The following FZR1 variants were observed in gnomAD, a reference collection of about 807,000 sequenced individuals.
FZR1 encodes fizzy and cell division cycle 20 related 1, also known as fizzy-related protein homolog.
A neutral mutation model predicts 63.6 loss-of-function variants in FZR1; 11 were observed. The ratio of observed to expected loss-of-function variants is 0.17; its 90% CI spans 0.11 to 0.29. FZR1 has a LOEUF of 0.29. Among genes scored for constraint, FZR1 ranks in the 10% least tolerant of loss-of-function variants. FZR1 has a pLI of 1.00. For missense variants in FZR1, 440 were observed against 687.5 expected (o/e 0.64, Z 4.03); for synonymous variants, 328 against 297.9 (o/e 1.10, Z -1.04).
At position 3,525,567 on chromosome 19, in the gene FZR1, C is replaced by G. The variant is rs113122210; in HGVS notation, c.70-301C>G. Among the ~76,000 whole-genome samples the G allele has an allele frequency of 6.6e-6, 1 of 151,682 alleles. No individual in the cohort carries two copies. Among genetic ancestry groups the G allele is most frequent in the East Asian group, 1.9e-4 (1 of 5,156 alleles). On this transcript the variant is annotated intron_variant, in intron 2 of 13. Coordinates refer to ENST00000441788, the MANE Select transcript of FZR1 (RefSeq NM_016263.4). This position sits in a 1 kb window ranked among gnomAD's most constrained non-coding sequence, Gnocchi z 4.2. ...ATGCCATTCTCCTGCCTCAGCCTCC[C>G]GAGTAGCTGGGACTACAGGCGCCTG...
At chr19:3,511,589 G>C (rs141227368) in intron 1 of FZR1, among the ~76,000 whole-genome samples, 5 of 152,324 alleles carry the variant, frequency 3.3e-5, no homozygotes, top group African/African-American at 1.2e-4. Context: ...ACACCCAGTG[G>C]GGGCAGCAGC....
chr19:3,532,749 G>A, intron 11 of FZR1, 99 bp downstream of exon 11: 1 of 836,536 alleles, frequency 1.2e-6, no homozygotes, highest in Non-Finnish European at 2.0e-6. Flanking sequence ...AGATGGGTCA[G>A]AGTCGCTCTG....
chr19:3,521,373 C>T (rs2083099840), intron 1 of FZR1: 1 of 152,122 alleles, frequency 6.6e-6, no homozygotes, highest in African/African-American at 2.4e-5. Flanking sequence ...TCACCAGGGA[C>T]TGGGGAGAGG....
intron 2 of FZR1, among the ~76,000 whole-genome samples, chr19:3,523,698 C>T (rs2083124593): frequency 6.6e-6 from 1 of 152,248 alleles, no homozygotes; most frequent in South Asian, 2.1e-4. Context: ...CCATCATTCT[C>T]GAAGACGAAG....
intron 1 of FZR1, among the ~76,000 whole-genome samples, chr19:3,510,705 C>G (rs2083018172): frequency 6.6e-6 from 1 of 152,162 alleles, no homozygotes; most frequent in Admixed American, 6.5e-5. Context: ...GAGAGCAACT[C>G]TTCCACTTAA....
rs949602496 is a variant in FZR1, at chr19:3,537,176, A to T, written c.*2340A>T. ...TGATGATGGGCCAGGGCTCGTGTAG[A>T]AATGGGGGAATTGGTTCCCCATGGC... On this transcript the variant is annotated 3_prime_UTR_variant, in exon 14 of 14. Transcript: ENST00000441788. The T allele has an allele frequency of 1.3e-5, 2 of 152,464 alleles. No individual in the cohort carries two copies. The highest frequency in any genetic ancestry group is 1.3e-4 in the Admixed American group (2 of 15,286). 9.4% of individuals were successfully genotyped at this position (152,464 alleles called of 1,614,324 possible).
intron 10 of FZR1, 26 bp downstream of exon 10, chr19:3,532,121 C>T (rs1410493198): frequency 1.4e-6 from 2 of 1,477,782 alleles, no homozygotes. Context: ...GCCTGGGCTT[C>T]CCCTTCACCA....
chr19:3,523,888 C>A (rs1459784695), intron 2 of FZR1, among the ~76,000 whole-genome samples: 1 of 152,164 alleles, frequency 6.6e-6, no homozygotes, highest in Non-Finnish European at 1.5e-5. Context: ...GCTTCAGACC[C>A]CAAAGCCTGG....
Position 3,514,614 on chromosome 19 carries a change from T to C in FZR1, c.-35+8140T>C, listed in dbSNP as rs1484016644. ...TGCGTCCCATGATCCTCTGCCCTGC[T>C]GAGGTCCCAGGAGGCTGCACACATT... is the stretch of plus-strand genomic sequence containing the variant. On this transcript the variant is annotated intron_variant, in intron 1 of 13. Transcript: ENST00000441788. The surrounding 1 kb of genome is among the most constrained non-coding windows in gnomAD (Gnocchi z 4.2). Among the ~76,000 whole-genome samples the C allele has an allele frequency of 6.6e-6, 1 of 152,088 alleles. No individual in the cohort carries two copies. Among genetic ancestry groups the C allele is most frequent in the East Asian group, 1.9e-4 (1 of 5,186 alleles).
At position 3,526,111 on chromosome 19, in the gene FZR1, T is replaced by G. The variant is rs769401817; in HGVS notation, c.196-9T>G. On this transcript the variant is annotated splice_polypyrimidine_tract_variant and intron_variant, in intron 3 of 13. Transcript: ENST00000441788. This position sits in a 1 kb window ranked among gnomAD's most constrained non-coding sequence, Gnocchi z 5.4. ...CTCGACCCCTCCCTCTCTGCTCTCC[T>G]GCCTGCAGGAGAATGAGAAGTCTCC... 1 of 1,612,758 alleles carries G rather than the reference T, an allele frequency of 6.2e-7. No homozygotes were observed. The highest frequency in any genetic ancestry group is 8.5e-7 in the Non-Finnish European group (1 of 1,179,902).
rs886800117 is a variant in FZR1 at position 3,527,895 on chromosome 19, G to A, written c.654+81G>A. On this transcript the variant is annotated intron_variant, in intron 7 of 13. Transcript: ENST00000441788. ...CCTCAATGTACCCACCGGGATCCAG[G>A]GAGCATCAGTACGAGCCAGGCGCCT... 7.6e-6 allele frequency: 9 copies of A among 1,178,344 alleles called. No homozygotes were observed. The African/African-American group carries it at 1.2e-4, about 16-fold the overall frequency. 73.0% of individuals were successfully genotyped at this position (1,178,344 alleles called of 1,614,324 possible).
chr19:3,527,349 G>C (rs540352922), intron 6 of FZR1, among the ~76,000 whole-genome samples: 1 of 152,348 alleles, frequency 6.6e-6, no homozygotes, highest in South Asian at 2.1e-4. Flanking sequence ...TGGCCTGGCA[G>C]TGTTGGCCTC....
At chr19:3,532,896 G>A (rs958643161) in intron 11 of FZR1, among the ~76,000 whole-genome samples, 1 of 152,214 alleles carries the variant, frequency 6.6e-6, no homozygotes. Flanking sequence ...TGGCGGCTCT[G>A]TGAGGAGCCG....
chr19:3,527,016 G>A lies in FZR1; in HGVS notation c.424G>A (p.Gly142Ser), dbSNP rs1393597379. The A allele has an allele frequency of 2.5e-6, 4 of 1,612,588 alleles. No individual in the cohort carries two copies. The highest frequency in any genetic ancestry group is 1.7e-5 in the Admixed American group (1 of 59,996). The part of the protein sequence containing the change: ...LSTKRSSPDD[G>S]NDVSPYSLSP... ...CACCAAGCGCTCCAGCCCCGATGAC[G>A]GCAACGATGTGTCTCCCTACTCCCT... The change falls in exon 6 of 14, where the codon GGC becomes AGC. Residue 142 changes from glycine to serine, a missense_variant. Gly to Ser is a moderately conservative substitution (Grantham distance 56). This residue lies in a region of FZR1 where 200 missense variants were observed against 245.1 expected (regional missense o/e 0.82). Coordinates refer to ENST00000441788, the MANE Select transcript of FZR1 (RefSeq NM_016263.4).
intron 1 of FZR1, among the ~76,000 whole-genome samples, chr19:3,519,610 A>G (rs1386258558): frequency 6.6e-6 from 1 of 152,142 alleles, no homozygotes; most frequent in East Asian, 1.9e-4. Flanking sequence ...CTGTCTGGGC[A>G]ATGCTGCCTG....
chr19:3,532,306 A>C, intron 10 of FZR1, 111 bp from the exon 11 acceptor site: 1 of 894,406 alleles, frequency 1.1e-6, no homozygotes, highest in South Asian at 1.7e-5. Flanking sequence ...TTGAGGGAGC[A>C]GCAGGAGGAG....
Position 3,525,528 on chromosome 19 carries a change from C to T in FZR1, c.70-340C>T, listed in dbSNP as rs368155800. ...CACAATCTTGGCTCACTGCAAGCTC[C>T]GCCTCCCAGGTTCATGCCATTCTCC... is the stretch of plus-strand genomic sequence containing the variant. On this transcript the variant is annotated intron_variant, in intron 2 of 13. Transcript: ENST00000441788. The surrounding 1 kb of genome is among the most constrained non-coding windows in gnomAD (Gnocchi z 4.2). Among the ~76,000 whole-genome samples the T allele has an allele frequency of 1.1e-4, 16 of 149,526 alleles. No individual in the cohort carries two copies. Among genetic ancestry groups the T allele is most frequent in the Non-Finnish European group, 1.6e-4 (11 of 67,698 alleles).
At position 3,516,081 on chromosome 19, in the gene FZR1, C is replaced by A. The variant is rs2083056923; in HGVS notation, c.-34-6875C>A. On this transcript the variant is annotated intron_variant, in intron 1 of 13. Transcript: ENST00000441788. The surrounding 1 kb of genome is among the most constrained non-coding windows in gnomAD (Gnocchi z 6.0). ...TCTTAGAAGTAGAAATACCGCATCA[C>A]AGAGGATGTGCATTTTTTAAATTTT... Among the ~76,000 whole-genome samples, 1 of 152,200 alleles carries A rather than the reference C, an allele frequency of 6.6e-6. No homozygotes were observed. The highest frequency in any genetic ancestry group is 1.5e-5 in the Non-Finnish European group (1 of 68,046).
chr19:3,529,193 GGAGAGCGGATGA>G (rs2083201736), intron 7 of FZR1, among the ~76,000 whole-genome samples: 5 of 129,378 alleles, frequency 3.9e-5, no homozygotes, highest in African/African-American at 1.1e-4. Flanking sequence ...AGAGCGGATG[GGAGAGCGGATGA>G]GAGAGTGGAT....
Sources: gnomAD v4.1 joint callset for allele counts (sites outside exome capture counted in the v4.1 genomes callset) on GRCh38, gnomAD v4.1.1 for gene constraint, gnomAD v4.1.1 regional missense constraint, Gnocchi (gnomAD v3.1) non-coding constraint, MANE v1.5 for transcripts, NCBI Gene and HGNC (gene_info 2026-07-23, HGNC 2026-07-21) for gene names.